ARHGAP26: variants seen among roughly 807,000 people sequenced by gnomAD.
ARHGAP26 encodes the protein rho GTPase-activating protein 26.
ARHGAP26 carries 38 observed loss-of-function variants against 104.8 expected under a neutral mutation model. The observed-to-expected ratio is 0.36, with a 90% CI of 0.28 to 0.48. The LOEUF (loss-of-function observed/expected upper bound fraction) is 0.48, where lower values mean the gene tolerates loss of function less well. Among genes scored for constraint, ARHGAP26 ranks in the 20% least tolerant of loss-of-function variants. The probability of loss-of-function intolerance (pLI) is 0.99; values close to 1 mark genes in which losing one functional copy is unlikely to be tolerated. For missense variants in ARHGAP26, 704 were observed against 947.9 expected, an observed-to-expected ratio of 0.74 and a Z score of 3.38; for synonymous variants, 341 against 340.0, an observed-to-expected ratio of 1.00 and a Z score of -0.03.
rs186402163 is a variant in ARHGAP26 at position 143,034,367 on chromosome 5, A to G, written c.1145-2829A>G. On this transcript the variant is annotated intron_variant, in intron 12 of 22. Transcript: ENST00000645722. ...GGCCCAAATATCTATCAGCCGATGA[A>G]TGGATAAATAAAATGTGATATATCT... Among the ~76,000 whole-genome samples the G allele has an allele frequency of 3.1e-3, 477 of 152,346 alleles. 2 individuals are homozygous for G. The highest frequency in any genetic ancestry group is 6.5e-3 in the Admixed American group (99 of 15,296).
chr5:143,016,657 C>G (rs370454321), intron 12 of ARHGAP26, among the ~76,000 whole-genome samples: 3 of 141,454 alleles, frequency 2.1e-5, no homozygotes, highest in African/African-American at 7.9e-5. Flanking sequence ...GAGCCAAGAT[C>G]GTGCTATTGC....
At chr5:142,956,324 C>A (rs1769222411) in intron 11 of ARHGAP26, among the ~76,000 whole-genome samples, 1 of 152,112 alleles carries the variant, frequency 6.6e-6, no homozygotes, top group South Asian at 2.1e-4. Flanking sequence ...GCCTGTAATC[C>A]CAGCACTTTG....
chr5:142,930,984 A>G (rs1307592625), intron 10 of ARHGAP26, among the ~76,000 whole-genome samples: 2 of 152,054 alleles, frequency 1.3e-5, no homozygotes, highest in Admixed American at 6.5e-5. Context: ...TTAATACCAT[A>G]TTGTTGTATG....
rs548087728 is a variant in ARHGAP26, at chr5:142,850,939, G to A, written c.155-22461G>A. Among the ~76,000 whole-genome samples, 5 of 152,284 alleles carry A rather than the reference G, an allele frequency of 3.3e-5. No individual in the cohort carries two copies. The South Asian group carries it at 6.2e-4, about 19-fold the overall frequency. ...TAGCATTAGAGTGGTGGATAAGCTC[G>A]ATATGCAGTGTCAACCAGGCCACAG... is the stretch of plus-strand genomic sequence containing the variant. On this transcript the variant is annotated intron_variant, in intron 1 of 22. Transcript: ENST00000645722.
chr5:142,898,797 A>G (rs769255054), intron 6 of ARHGAP26, among the ~76,000 whole-genome samples: 1 of 151,950 alleles, frequency 6.6e-6, no homozygotes, highest in Non-Finnish European at 1.5e-5. Context: ...GCTTTTCATC[A>G]CTCTACTAGC....
intron 11 of ARHGAP26, among the ~76,000 whole-genome samples, chr5:142,952,040 C>T (rs1016687429): frequency 6.6e-6 from 1 of 152,198 alleles, no homozygotes; most frequent in African/African-American, 2.4e-5. Context: ...CAGTTTCTGC[C>T]TCTATCTTCA....
At chr5:142,999,467 C>G (rs998263319) in intron 11 of ARHGAP26, among the ~76,000 whole-genome samples, 1 of 151,952 alleles carries the variant, frequency 6.6e-6, no homozygotes, top group African/African-American at 2.4e-5. Flanking sequence ...GAGAGTGAGG[C>G]GGGTTAAGGC....
At chr5:142,988,114 C>T (rs529476942) in intron 11 of ARHGAP26, among the ~76,000 whole-genome samples, 4 of 152,244 alleles carry the variant, frequency 2.6e-5, no homozygotes, top group East Asian at 1.9e-4. Flanking sequence ...GCTGTGAATC[C>T]GTCTGATCCT....
At chr5:143,002,264 T>C (rs1007247999) in intron 11 of ARHGAP26, among the ~76,000 whole-genome samples, 1 of 152,078 alleles carries the variant, frequency 6.6e-6, no homozygotes, top group Non-Finnish European at 1.5e-5. Context: ...AGCTCCTACT[T>C]TGGTGTGCTG....
chr5:142,949,221 G>GAGAGAGA lies in ARHGAP26; in HGVS notation c.1107+17096_1107+17097insAGAGAGA, dbSNP rs71576158. Among the ~76,000 whole-genome samples, 9 of 9,760 alleles carry GAGAGAGA rather than the reference G, an allele frequency of 9.2e-4. 1 individual carries two copies. Among genetic ancestry groups the GAGAGAGA allele is most frequent in the African/African-American group, 2.7e-3 (4 of 1,488 alleles). The allele number at this position is 9,760 out of a possible 152,430, so 6.4% of individuals were successfully genotyped here. ...AGAGAGAGAGAGAGAGAGAGAGAGA[G>GAGAGAGA]GAGAGAGAGAGGAGAGAGAGAGAGA... On this transcript the variant is annotated intron_variant, in intron 11 of 22. Coordinates refer to ENST00000645722, the MANE Select transcript of ARHGAP26 (RefSeq NM_001135608.3).
intron 1 of ARHGAP26, among the ~76,000 whole-genome samples, chr5:142,826,421 A>G (rs1767285685): frequency 6.6e-6 from 1 of 152,210 alleles, no homozygotes; most frequent in Non-Finnish European, 1.5e-5. Context: ...TTGAAGTTTA[A>G]AGAGGGGTAA....
intron 20 of ARHGAP26, among the ~76,000 whole-genome samples, chr5:143,160,395 AC>A (rs1162517437): frequency 6.6e-6 from 1 of 151,524 alleles, no homozygotes; most frequent in Admixed American, 6.6e-5. Flanking sequence ...TTTTTGTGTT[AC>A]CTCAATAGCT....
intron 17 of ARHGAP26, among the ~76,000 whole-genome samples, chr5:143,066,906 T>G (rs1787573704): frequency 6.6e-6 from 1 of 152,160 alleles, no homozygotes; most frequent in Non-Finnish European, 1.5e-5. Context: ...ATTGCAAGTC[T>G]CACACTTCCC....
chr5:143,017,751 A>G (rs1363872778), intron 12 of ARHGAP26, among the ~76,000 whole-genome samples: 1 of 152,096 alleles, frequency 6.6e-6, no homozygotes, highest in Non-Finnish European at 1.5e-5. Flanking sequence ...AGCACTTTGT[A>G]TCTGTTTTTG....
intron 12 of ARHGAP26, among the ~76,000 whole-genome samples, chr5:143,024,869 C>G (rs1016972523): frequency 1.3e-5 from 2 of 152,130 alleles, no homozygotes; most frequent in African/African-American, 4.8e-5. Flanking sequence ...CTGGAGTATT[C>G]CACACGTGGT....
rs527459078 is a variant in ARHGAP26, at chr5:143,134,001, A to G, written c.1733A>G (p.Asn578Ser). ...ACCGTGCCCGATATGCCTCTCACCAATGCCCAGCTGCACCTGTCTCGGAAG... is the reference window on the plus strand; with the variant it reads ...ACCGTGCCCGATATGCCTCTCACCAGTGCCCAGCTGCACCTGTCTCGGAAG... ...FNTVPDMPLT[N>S]AQLHLSRKKS... The change falls in exon 19 of 23, where the codon AAT (asparagine) becomes AGT (serine). Residue 578 changes from asparagine (N) to serine (S), a missense_variant. Asn to Ser is a conservative substitution (Grantham distance 46). Transcript: ENST00000645722. The G allele has an allele frequency of 5.6e-6, 9 of 1,612,828 alleles. No individual in the cohort carries two copies. In the South Asian group the frequency reaches 7.7e-5, roughly 14 times the overall value.
At chr5:142,942,591 T>C (rs1384032791) in intron 11 of ARHGAP26, among the ~76,000 whole-genome samples, 1 of 152,208 alleles carries the variant, frequency 6.6e-6, no homozygotes, top group Non-Finnish European at 1.5e-5. Context: ...AAAAGGTTTT[T>C]TGTTCCCACT....
chr5:142,989,590 G>T (rs557962758), intron 11 of ARHGAP26, among the ~76,000 whole-genome samples: 7 of 152,156 alleles, frequency 4.6e-5, no homozygotes, highest in Non-Finnish European at 1.0e-4. Context: ...TTACAATTTG[G>T]CATGTTTTTG....
intron 11 of ARHGAP26, among the ~76,000 whole-genome samples, chr5:142,941,006 C>T (rs563517610): frequency 3.2e-4 from 40 of 123,476 alleles, no homozygotes; most frequent in Non-Finnish European, 5.3e-4. Flanking sequence ...ACCCAGGAGG[C>T]GGAGCTTGCA....
Sources: allele counts gnomAD v4.1 joint callset (sites outside exome capture counted in the v4.1 genomes callset), GRCh38; gene constraint gnomAD v4.1.1; transcripts MANE v1.5; gene names NCBI Gene and HGNC (gene_info 2026-07-23, HGNC 2026-07-21).